Variants in ZNF518A observed in about 807,000 individuals in gnomAD.
ZNF518A encodes the protein zinc finger protein 518A, also known as zinc finger protein 518.
ZNF518A carries 47 observed loss-of-function variants against 102.7 expected under a neutral mutation model. The ratio of observed to expected loss-of-function variants is 0.46; its 90% confidence interval spans 0.36 to 0.58. The LOEUF (loss-of-function observed/expected upper bound fraction) is 0.58, where lower values mean the gene tolerates loss of function less well. Among genes scored for constraint, ZNF518A ranks in the 20% least tolerant of loss-of-function variants. The pLI, the probability that ZNF518A is intolerant of heterozygous loss-of-function variation, is 0.00. For synonymous variants in ZNF518A, 652 were observed against 594.6 expected (o/e 1.10, Z -1.40); for missense variants, 1,793 against 1,699.8 (o/e 1.05, Z -0.96).
Position 96,158,534 on chromosome 10 carries a change from A to T in ZNF518A, c.2212A>T (p.Asn738Tyr). 6.2e-7 allele frequency: 1 copy of T among 1,612,964 alleles called. No homozygotes were observed. Among genetic ancestry groups the T allele is most frequent in the Non-Finnish European group, 8.5e-7 (1 of 1,179,552 alleles). Residue 738 changes from asparagine (N) to tyrosine (Y), a missense_variant, in exon 6 of 6, where the codon AAT (asparagine) becomes TAT (tyrosine). Asn to Tyr is a moderately radical substitution (Grantham distance 143, BLOSUM62 -2). Transcript: ENST00000316045. ...TGGACAAAACCTGTACAGTAATGAA[A>T]ATCAAAATTTAGAGTGTGCGACTGA... ...IDGQNLYSNE[N>Y]QNLECATEKS...
chr10:96,183,929 T>C (rs1390397100), intron 1 of ZNF518A, among the ~76,000 whole-genome samples: 1 of 152,162 alleles, frequency 6.6e-6, no homozygotes, highest in Non-Finnish European at 1.5e-5. Flanking sequence ...AATTCTCCCA[T>C]TATTATTGTT....
At chr10:96,175,502 G>A (rs782718330) in intron 1 of ZNF518A, among the ~76,000 whole-genome samples, 86 of 152,122 alleles carry the variant, frequency 5.7e-4, no homozygotes, top group Non-Finnish European at 1.1e-3. Context: ...AAGTTTATTG[G>A]GCAGTAATGC....
At chr10:96,195,919 A>G (rs1283701526) in intron 1 of ZNF518A, among the ~76,000 whole-genome samples, 1 of 152,208 alleles carries the variant, frequency 6.6e-6, no homozygotes, top group East Asian at 1.9e-4. Flanking sequence ...CAGTTGCTTA[A>G]TAATTATTTA....
chr10:96,171,114 G>C (rs148861597), intron 1 of ZNF518A, among the ~76,000 whole-genome samples: 1 of 152,002 alleles, frequency 6.6e-6, no homozygotes, highest in African/African-American at 2.4e-5. Flanking sequence ...AGCCATCTTG[G>C]AAAACAGTAT....
At chr10:96,141,740 TC>T (rs1228234844) in intron 3 of ZNF518A, among the ~76,000 whole-genome samples, 2 of 134,764 alleles carry the variant, frequency 1.5e-5, no homozygotes, top group Admixed American at 1.7e-4. Flanking sequence ...TTTCTTTTTT[TC>T]TTCTTCATTT....
In ZNF518A at chr10:96,163,136, G is replaced by A. The variant is rs1476397445; in HGVS notation, c.*2362G>A. ...ATAGCCATATCAGGAAAATAATGTC[G>A]AGATATGTACTTCTTGCCTTTAAGT... On this transcript the variant is annotated 3_prime_UTR_variant, in exon 6 of 6. Coordinates refer to ENST00000316045, the MANE Select transcript of ZNF518A (RefSeq NM_001330736.2). 1.2e-5 allele frequency: 2 copies of A among 166,958 alleles called. No individual in the cohort carries two copies. Among genetic ancestry groups the A allele is most frequent in the East Asian group, 3.8e-4 (2 of 5,202 alleles). The allele number at this position is 166,958 out of a possible 1,614,324, so 10.3% of individuals were successfully genotyped here. A position where few individuals can be genotyped will look rare whatever the true frequency, so the allele number is the denominator to read the frequency against.
chr10:96,159,865 A>T lies in ZNF518A; in HGVS notation c.3543A>T (p.Gly1181=), dbSNP rs782758532. The T allele has an allele frequency of 1.1e-5, 17 of 1,613,578 alleles. No homozygotes were observed. The highest frequency in any genetic ancestry group is 1.4e-5 in the Non-Finnish European group (16 of 1,179,742). Residue 1181 remains glycine (G), a synonymous_variant, in exon 6 of 6, where the codon GGA becomes GGT. Transcript: ENST00000316045. ...KDNVPSNQII[G]GEQKEPESRD... The stretch of plus-strand genomic sequence containing the variant: ...ACGTACCATCTAATCAGATTATAGG[A>T]GGAGAGCAGAAAGAGCCAGAATCTA...
chr10:96,159,912 T>C lies in ZNF518A; in HGVS notation c.3590T>C (p.Leu1197Pro), dbSNP rs2082917772. 1 of 1,613,544 alleles carries C rather than the reference T, an allele frequency of 6.2e-7. No individual in the cohort carries two copies. The highest frequency in any genetic ancestry group is 1.1e-5 in the South Asian group (1 of 91,076). Residue 1197 changes from leucine to proline, a missense_variant, in exon 6 of 6, where the codon CTA becomes CCA. Physicochemically the swap from Leu to Pro is moderately conservative, Grantham distance 98. Around this residue, in one of 3 missense-constraint regions of ZNF518A, gnomAD observed 1,741 missense variants for 1,622.6 expected, o/e 1.07. Coordinates refer to ENST00000316045, the MANE Select transcript of ZNF518A (RefSeq NM_001330736.2). ...PESRDALPFL[L>P]DDLMPANEIV... Reference sequence around the variant, plus strand: ...TCTAGAGATGCCTTACCCTTCTTACTAGATGACTTAATGCCAGCAAATGAA... The same window carrying C: ...TCTAGAGATGCCTTACCCTTCTTACCAGATGACTTAATGCCAGCAAATGAA...
chr10:96,144,375 A>G (rs2082075936), intron 3 of ZNF518A, among the ~76,000 whole-genome samples: 1 of 152,144 alleles, frequency 6.6e-6, no homozygotes. Context: ...TTTCTGTATA[A>G]TTTCATGTGG....
chr10:96,199,125 G>A (rs770955142), intron 1 of ZNF518A, among the ~76,000 whole-genome samples: 3 of 152,226 alleles, frequency 2.0e-5, no homozygotes, highest in Non-Finnish European at 2.9e-5. Flanking sequence ...AAGGACTGAC[G>A]GAACACACTA....
intron 1 of ZNF518A, chr10:96,191,915 A>G: frequency 6.2e-7 from 1 of 1,608,580 alleles, no homozygotes; most frequent in South Asian, 1.1e-5. Flanking sequence ...CTTTTTCTCA[A>G]AAGGAGAAAC....
At position 96,175,865 on chromosome 10, in the gene ZNF518A, G is replaced by GCCTGCCTC. The variant is rs1554891385; in HGVS notation, n.35+19821_35+19822insGCCTCCCT. On this transcript the variant is annotated intron_variant and non_coding_transcript_variant, in intron 1 of 2. Transcript: ENST00000442635. ...GCTGAATTACAAGTATTCCCTCCCT[G>GCCTGCCTC]CCTCCCTCCCTCCCTTCCTTCCTTC... Among the ~76,000 whole-genome samples, 13 of 50,094 alleles carry GCCTGCCTC rather than the reference G, an allele frequency of 2.6e-4. No individual in the cohort carries two copies. The South Asian group carries it at 9.4e-3, about 36-fold the overall frequency. 32.9% of individuals were successfully genotyped at this position (50,094 alleles called of 152,430 possible).
chr10:96,205,238 C>A (rs1554897161), downstream of ZNF518A: 1 of 156,056 alleles, frequency 6.4e-6, no homozygotes, highest in East Asian at 1.9e-4. Flanking sequence ...TGTTGAAGCC[C>A]ATAGTGAACT....
At chr10:96,203,495 C>T (rs1591302328) in intron 1 of ZNF518A, 1 of 151,702 alleles carries the variant, frequency 6.6e-6, no homozygotes, top group Non-Finnish European at 1.5e-5. Flanking sequence ...CCTTTTTTTC[C>T]CACATTGAGT....
At chr10:96,203,083 A>G (rs1410459657) in intron 1 of ZNF518A, among the ~76,000 whole-genome samples, 1 of 152,240 alleles carries the variant, frequency 6.6e-6, no homozygotes, top group Non-Finnish European at 1.5e-5. Flanking sequence ...TCAGTAGAAT[A>G]TAAGTTTCAT....
chr10:96,145,274 T>C (rs2082119005), intron 3 of ZNF518A, among the ~76,000 whole-genome samples: 1 of 152,234 alleles, frequency 6.6e-6, no homozygotes, highest in Admixed American at 6.5e-5. Flanking sequence ...TTCACCATGT[T>C]GGTCAGGCTG....
At chr10:96,134,459 C>T (rs1554873647) in intron 3 of ZNF518A, among the ~76,000 whole-genome samples, 1 of 152,160 alleles carries the variant, frequency 6.6e-6, no homozygotes, top group Non-Finnish European at 1.5e-5. Context: ...GTCTAGAACT[C>T]CTGACCTTGA....
chr10:96,139,876 G>A (rs1024663875), intron 3 of ZNF518A, among the ~76,000 whole-genome samples: 2 of 152,044 alleles, frequency 1.3e-5, no homozygotes, highest in South Asian at 2.1e-4. Flanking sequence ...TTATTTTTTC[G>A]AGACGGAGTT....
At chr10:96,193,606 C>T (rs1417248853) in intron 1 of ZNF518A, among the ~76,000 whole-genome samples, 1 of 152,126 alleles carries the variant, frequency 6.6e-6, no homozygotes, top group African/African-American at 2.4e-5. Context: ...GTTACAGCTT[C>T]CCCTCACTCT....
Sources: gnomAD v4.1 joint callset for allele counts (sites outside exome capture counted in the v4.1 genomes callset) on GRCh38, gnomAD v4.1.1 for gene constraint, gnomAD v4.1.1 regional missense constraint, MANE v1.5 for transcripts, NCBI Gene and HGNC (gene_info 2026-07-23, HGNC 2026-07-21) for gene names.